The following ACOT11 variants were observed in gnomAD, a reference collection of about 807,000 sequenced individuals.
ACOT11 encodes the protein acyl-coenzyme A thioesterase 11.
Under a neutral mutation model 77.5 loss-of-function variants are expected in ACOT11, and 69 were observed. The observed-to-expected ratio is 0.89, with a 90% confidence interval of 0.73 to 1.09. The LOEUF (loss-of-function observed/expected upper bound fraction) is 1.09, where lower values mean the gene tolerates loss of function less well. ACOT11 is among the 50% of genes least tolerant of loss of function. The probability of loss-of-function intolerance (pLI) is 0.00; values close to 1 mark genes in which losing one functional copy is unlikely to be tolerated. For missense variants in ACOT11, 766 were observed against 813.7 expected (o/e 0.94, Z 0.71); for synonymous variants, 279 against 313.0 (o/e 0.89, Z 1.15).
At chr1:54,566,024 C>G (rs1165486696) in intron 1 of ACOT11, among the ~76,000 whole-genome samples, 1 of 152,204 alleles carries the variant, frequency 6.6e-6, no homozygotes. Context: ...GTTTCCCCAT[C>G]TGCCTTGACT....
intron 1 of ACOT11, among the ~76,000 whole-genome samples, chr1:54,550,577 G>A (rs886803226): frequency 6.6e-6 from 1 of 152,158 alleles, no homozygotes; most frequent in Non-Finnish European, 1.5e-5. Context: ...ACTTTGGGAG[G>A]CTGAGGCAGG....
chr1:54,623,430 G>A (rs929621737), intron 15 of ACOT11: 5 of 1,527,430 alleles, frequency 3.3e-6, no homozygotes, highest in Non-Finnish European at 4.5e-6. Context: ...CCAACTCCGT[G>A]CGGCCCAGAG....
At chr1:54,580,001 C>A (rs560131210) in intron 1 of ACOT11, among the ~76,000 whole-genome samples, 2 of 152,306 alleles carry the variant, frequency 1.3e-5, no homozygotes, top group South Asian at 4.1e-4. Context: ...AGTAAGCACT[C>A]AATACATGTT....
intron 1 of ACOT11, among the ~76,000 whole-genome samples, chr1:54,571,325 A>G (rs868736383): frequency 3.6e-4 from 55 of 152,212 alleles, no homozygotes; most frequent in African/African-American, 1.3e-3. Context: ...ACCTTCTTGT[A>G]GGCTCAAATT....
intron 9 of ACOT11, among the ~76,000 whole-genome samples, chr1:54,602,176 C>G (rs144267653): frequency 1.4e-4 from 21 of 152,282 alleles, no homozygotes; most frequent in African/African-American, 4.6e-4. Flanking sequence ...TTGAGGCAGG[C>G]CATTGGGGTG....
At chr1:54,549,271 C>T (rs930117278) in intron 1 of ACOT11, among the ~76,000 whole-genome samples, 3 of 152,114 alleles carry the variant, frequency 2.0e-5, no homozygotes, top group African/African-American at 7.2e-5. Flanking sequence ...CACGGCTACC[C>T]GAGGATGATT....
chr1:54,586,283 T>G (rs751960725), intron 3 of ACOT11, among the ~76,000 whole-genome samples: 4 of 138,174 alleles, frequency 2.9e-5, no homozygotes, highest in African/African-American at 5.8e-5. Context: ...GACATTCTCT[T>G]TGGGTCCTTG....
At chr1:54,600,167 A>G (rs1364815466) in intron 8 of ACOT11, among the ~76,000 whole-genome samples, 1 of 152,210 alleles carries the variant, frequency 6.6e-6, no homozygotes, top group Non-Finnish European at 1.5e-5. Flanking sequence ...TGTTATTTGC[A>G]GTCTGACTTG....
intron 1 of ACOT11, among the ~76,000 whole-genome samples, chr1:54,576,017 A>C (rs760315431): frequency 3.9e-5 from 6 of 152,238 alleles, no homozygotes; most frequent in Non-Finnish European, 8.8e-5. Context: ...ATCAAAAGGC[A>C]GCCAAACAAG....
In ACOT11 at chr1:54,557,853, G is replaced by C. The variant is rs150717747; in HGVS notation, c.33+9511G>C. On this transcript the variant is annotated intron_variant, in intron 1 of 15. Coordinates refer to ENST00000343744, the MANE Select transcript of ACOT11 (RefSeq NM_147161.4). ...ATTTAACTTCCTTCTTTCCAATTTG[G>C]ATGCCTTTTATTTCTCTCTCTTGCC... Among the ~76,000 whole-genome samples the C allele has an allele frequency of 2.4e-3, 371 of 152,180 alleles. 1 individual carries two copies. The highest frequency in any genetic ancestry group is 8.2e-3 in the African/African-American group (340 of 41,504).
chr1:54,610,346 C>G, downstream of ACOT11: 1 of 1,578,502 alleles, frequency 6.3e-7, no homozygotes, highest in Non-Finnish European at 8.6e-7. Flanking sequence ...CCGGCGGTAC[C>G]TGCCCCAAGC....
At position 54,617,709 on chromosome 1, in the gene ACOT11, A is replaced by ATTTTT. The variant is rs56229276; in HGVS notation, c.1629+9672_1629+9676dup. ...CACTAGGTCTGCAGCAGGGCCTGAGATTTTTTTTTTTTTTTTTTTTTTTTT... is the reference window on the plus strand; with the variant it reads ...CACTAGGTCTGCAGCAGGGCCTGAGATTTTTTTTTTTTTTTTTTTTTTTTTTTTTT... On this transcript the variant is annotated intron_variant, in intron 15 of 16. Transcript: ENST00000371316. Among the ~76,000 whole-genome samples, 509 of 55,776 alleles carry ATTTTT rather than the reference A, an allele frequency of 9.1e-3. 80 individuals carry two copies. The highest frequency in any genetic ancestry group is 0.013 in the Non-Finnish European group (429 of 32,914). 36.6% of individuals were successfully genotyped at this position (55,776 alleles called of 152,430 possible).
Position 54,624,838 on chromosome 1 carries a change from T to G in ACOT11, c.1630-5896T>G, listed in dbSNP as rs562287676. The stretch of plus-strand genomic sequence containing the variant: ...CTGAAGGTACAGGAGGGAGAGGCAC[T>G]GGGACAAAGTGAGGATGGGAGCAGG... On this transcript the variant is annotated intron_variant, in intron 15 of 16. Coordinates refer to the ACOT11 transcript ENST00000371316. Among the ~76,000 whole-genome samples the G allele has an allele frequency of 4.0e-5, 6 of 151,872 alleles. No homozygotes were observed. In the East Asian group the frequency reaches 1.2e-3, roughly 29 times the overall value.
chr1:54,611,789 A>G (rs775145266), downstream of ACOT11: 4 of 1,610,666 alleles, frequency 2.5e-6, no homozygotes, highest in East Asian at 8.9e-5. Flanking sequence ...GGGCCCAGCA[A>G]GACCCTCAGC....
At chr1:54,637,696 A>T (rs1183429010) in exon 17 of ACOT11, 6 of 151,666 alleles carry the variant, frequency 4.0e-5, no homozygotes, top group African/African-American at 1.5e-4. Context: ...CTGAGGCAGG[A>T]GAATTGGTTG....
chr1:54,600,725 T>C (rs778873297), intron 8 of ACOT11, among the ~76,000 whole-genome samples: 53 of 152,160 alleles, frequency 3.5e-4, no homozygotes, highest in Non-Finnish European at 7.6e-4. Flanking sequence ...GTAAGATACA[T>C]GAATAGCAGC....
At chr1:54,603,238 G>GGAGGCT (rs1273248264) in intron 10 of ACOT11, among the ~76,000 whole-genome samples, 3 of 152,332 alleles carry the variant, frequency 2.0e-5, no homozygotes, top group Non-Finnish European at 2.9e-5. Context: ...CCTATAGTCA[G>GGAGGCT]GAGGCTGAGG....
In ACOT11 at chr1:54,584,716, A is replaced by T; in HGVS notation, c.95A>T (p.Asp32Val). The T allele has an allele frequency of 6.2e-7, 1 of 1,614,178 alleles. No individual in the cohort carries two copies. Among genetic ancestry groups the T allele is most frequent in the Non-Finnish European group, 8.5e-7 (1 of 1,180,026 alleles). The change falls in exon 2 of 16, where the codon GAC becomes GTC. Residue 32 changes from aspartate to valine, a missense_variant. Transcript: ENST00000343744. The surrounding 1 kb of genome is among the most constrained non-coding windows in gnomAD (Gnocchi z 6.3). ...SRKSALRAGN[D>V]SAMADGEGYR... is the part of the protein sequence containing the mutation. ...AAGTCAGCCTTACGTGCGGGGAACG[A>T]CAGTGCCATGGCAGACGGCGAGGGA... is the stretch of plus-strand genomic sequence containing the variant.
At chr1:54,590,087 CA>C (rs754768157) in intron 3 of ACOT11, among the ~76,000 whole-genome samples, 96 of 122,560 alleles carry the variant, frequency 7.8e-4, no homozygotes, top group South Asian at 1.6e-3. Context: ...GACTCTGTCT[CA>C]AAAAAAAAAA....
Sources: allele counts gnomAD v4.1 joint callset (sites outside exome capture counted in the v4.1 genomes callset), GRCh38; gene constraint gnomAD v4.1.1; non-coding constraint Gnocchi (gnomAD v3.1); transcripts MANE v1.5; gene names NCBI Gene and HGNC (gene_info 2026-07-23, HGNC 2026-07-21).